Variants in UBAP2 observed in about 807,000 individuals in gnomAD.
The protein encoded by UBAP2 is ubiquitin-associated protein 2.
Under a neutral mutation model 139.6 loss-of-function variants are expected in UBAP2, and 75 were observed. That is an observed-to-expected ratio of 0.54 (90% CI 0.45 to 0.65). The LOEUF (loss-of-function observed/expected upper bound fraction) is 0.65, where lower values mean the gene tolerates loss of function less well. Among genes scored for constraint, UBAP2 ranks in the 30% least tolerant of loss-of-function variants. UBAP2 has a pLI of 0.00. For synonymous variants in UBAP2, 526 were observed against 526.2 expected (o/e 1.00, Z 0.01); for missense variants, 1,368 against 1,369.6 (o/e 1.00, Z 0.02).
chr9:33,943,099 A>G (rs781012536), intron 15 of UBAP2, among the ~76,000 whole-genome samples: 8 of 152,260 alleles, frequency 5.3e-5, no homozygotes, highest in African/African-American at 1.2e-4. Context: ...AATATTTGGC[A>G]ATAAAAATGA....
chr9:33,927,755 A>C, intron 20 of UBAP2, 42 bp downstream of exon 20: 1 of 1,558,762 alleles, frequency 6.4e-7, no homozygotes, highest in Non-Finnish European at 8.6e-7. Context: ...GGCACCTTTG[A>C]GGGGCTCAGG....
intron 1 of UBAP2, among the ~76,000 whole-genome samples, chr9:34,025,935 C>T (rs1302765599): frequency 6.6e-6 from 1 of 152,078 alleles, no homozygotes; most frequent in Non-Finnish European, 1.5e-5. Context: ...AGTGAAACAG[C>T]CGCATTTTCA....
intron 12 of UBAP2, among the ~76,000 whole-genome samples, chr9:33,949,796 A>C (rs911542827): frequency 2.6e-5 from 4 of 152,220 alleles, no homozygotes; most frequent in African/African-American, 7.2e-5. Context: ...CCAAAATGAG[A>C]CACTGCGATA....
At chr9:33,942,727 C>CAAAA (rs544848249) in intron 15 of UBAP2, among the ~76,000 whole-genome samples, 150 of 135,018 alleles carry the variant, frequency 1.1e-3, no homozygotes, top group Middle Eastern at 3.9e-3. Context: ...GACCCTATCT[C>CAAAA]AAAAAAAAAA....
intron 5 of UBAP2, among the ~76,000 whole-genome samples, chr9:33,987,468 G>A (rs916228683): frequency 6.6e-6 from 1 of 151,984 alleles, no homozygotes; most frequent in Non-Finnish European, 1.5e-5. Context: ...AGGTATGGTT[G>A]TGACAGCGTG....
chr9:34,008,793 C>T (rs369862047), intron 2 of UBAP2, among the ~76,000 whole-genome samples: 16 of 151,414 alleles, frequency 1.1e-4, no homozygotes, highest in African/African-American at 3.4e-4. Context: ...GGTGAAACCC[C>T]GTCTCTACTG....
rs997205087 is a variant in UBAP2 at position 34,035,890 on chromosome 9, TTC to T, written c.-42+12933_-42+12934del. Among the ~76,000 whole-genome samples the T allele has an allele frequency of 7.6e-5, 7 of 92,650 alleles. No homozygotes were observed. In the South Asian group the frequency reaches 1.5e-3, roughly 20 times the overall value. The allele number at this position is 92,650 out of a possible 152,430, so 60.8% of individuals were successfully genotyped here. On this transcript the variant is annotated intron_variant, in intron 1 of 28. Coordinates refer to ENST00000379238, the MANE Select transcript of UBAP2 (RefSeq NM_001370062.2). The stretch of plus-strand genomic sequence containing the variant: ...TGTTTACTCAAGGACATACTGCACA[TTC>T]TCTCTTTTTTTTTTTGAGTGGGGGA...
At chr9:33,929,602 T>A (rs991861666) in intron 19 of UBAP2, among the ~76,000 whole-genome samples, 6 of 152,050 alleles carry the variant, frequency 3.9e-5, no homozygotes, top group African/African-American at 7.2e-5. Flanking sequence ...AAAAAAATCA[T>A]AAACAGCAAA....
intron 14 of UBAP2, 57 bp downstream of exon 14, chr9:33,944,308 G>A (rs781386212): frequency 6.5e-5 from 104 of 1,590,482 alleles, no homozygotes; most frequent in Non-Finnish European, 8.8e-5. Flanking sequence ...TCCCACTAGA[G>A]CTGAATGTAA....
chr9:33,923,588 G>A (rs897154969), intron 24 of UBAP2, 110 bp from the exon 25 acceptor site: 1 of 1,170,426 alleles, frequency 8.5e-7, no homozygotes, highest in Admixed American at 1.7e-5. Context: ...AACCACAGGG[G>A]ACCTGTGTTT....
chr9:34,007,394 G>A (rs1823313106), intron 2 of UBAP2, among the ~76,000 whole-genome samples: 1 of 151,764 alleles, frequency 6.6e-6, no homozygotes, highest in Non-Finnish European at 1.5e-5. Context: ...TACCCGAGAG[G>A]CTGAGGCAGA....
intron 1 of UBAP2, among the ~76,000 whole-genome samples, chr9:34,041,485 A>G (rs1413475034): frequency 2.7e-5 from 4 of 150,390 alleles, no homozygotes; most frequent in Non-Finnish European, 5.9e-5. Flanking sequence ...AAAAAAACAA[A>G]CAAGAGTCCA....
At chr9:34,046,300 T>TAA (rs35216565) in intron 1 of UBAP2, among the ~76,000 whole-genome samples, 5 of 137,372 alleles carry the variant, frequency 3.6e-5, no homozygotes, top group Admixed American at 1.5e-4. Context: ...AATCATCATT[T>TAA]AAAAAAAAAA....
rs141125550 is a variant in UBAP2, at chr9:33,944,598, A to G, written c.1312T>C (p.Leu438=). Residue 438 remains leucine, a synonymous_variant, in exon 14 of 29, where the codon TTG becomes CTG. Transcript: ENST00000379238. ...CTCTGGTGCTGTTGTCGCTGGCTCA[A>G]CTGGCTAAGAACTGGGGATGGCTCA... ...QPEPSPVLSQ[L]SQRQQHQSQA... The G allele has an allele frequency of 2.9e-3, 4,653 of 1,614,162 alleles. 28 individuals are homozygous for G. Among genetic ancestry groups the G allele is most frequent in the Admixed American group, 0.021 (1,255 of 60,014 alleles).
At chr9:33,959,765 C>G (rs1826881461) in intron 10 of UBAP2, among the ~76,000 whole-genome samples, 1 of 152,044 alleles carries the variant, frequency 6.6e-6, no homozygotes, top group Non-Finnish European at 1.5e-5. Context: ...GGAACCAGAG[C>G]AAACTTATTC....
At chr9:34,013,713 C>T (rs1444773054) in intron 2 of UBAP2, among the ~76,000 whole-genome samples, 3 of 151,744 alleles carry the variant, frequency 2.0e-5, no homozygotes, top group Non-Finnish European at 2.9e-5. Flanking sequence ...CCCGTCTCTA[C>T]CAAAAATACA....
chr9:33,949,977 A>G (rs1003192850), intron 12 of UBAP2, among the ~76,000 whole-genome samples: 3 of 152,228 alleles, frequency 2.0e-5, no homozygotes, highest in Non-Finnish European at 4.4e-5. Flanking sequence ...AAAGCCTATG[A>G]CTAGAAAAGA....
intron 23 of UBAP2, 22 bp from the exon 24 acceptor site, chr9:33,924,022 A>T: frequency 6.2e-7 from 1 of 1,612,582 alleles, no homozygotes; most frequent in Non-Finnish European, 8.5e-7. Context: ...CACTGACTCC[A>T]GCCACTGCCC....
intron 1 of UBAP2, among the ~76,000 whole-genome samples, chr9:34,039,245 C>T (rs1456960704): frequency 8.8e-5 from 13 of 148,282 alleles, no homozygotes; most frequent in South Asian, 2.2e-4. Flanking sequence ...GGGGCGCCTC[C>T]GCCTGGCCGC....
Sources: gnomAD v4.1 joint callset for allele counts (sites outside exome capture counted in the v4.1 genomes callset) on GRCh38, gnomAD v4.1.1 for gene constraint, MANE v1.5 for transcripts, NCBI Gene and HGNC (gene_info 2026-07-23, HGNC 2026-07-21) for gene names.